MYCBP2: variants seen among roughly 807,000 people sequenced by gnomAD.
MYCBP2 encodes the protein MYC binding protein 2.
A neutral mutation model predicts 525.3 loss-of-function variants in MYCBP2; 120 were observed. That is an observed-to-expected ratio of 0.23 (90% CI 0.20 to 0.27). The LOEUF (loss-of-function observed/expected upper bound fraction) is 0.27. Among genes scored for constraint, MYCBP2 ranks in the 10% least tolerant of loss-of-function variants. The pLI is 1.00. For synonymous variants in MYCBP2, 1,894 were observed against 1,955.8 expected (o/e 0.97, Z 0.83); for missense variants, 4,149 against 5,657.1 (o/e 0.73, Z 8.55).
intron 26 of MYCBP2, among the ~76,000 whole-genome samples, chr13:77,201,093 C>G (rs1261982328): frequency 6.6e-6 from 1 of 152,160 alleles, no homozygotes; most frequent in Non-Finnish European, 1.5e-5. Context: ...AAGACACAGA[C>G]TGGCACATTG....
chr13:77,181,459 G>A (rs938002512), intron 33 of MYCBP2, among the ~76,000 whole-genome samples: 1 of 151,928 alleles, frequency 6.6e-6, no homozygotes, highest in Non-Finnish European at 1.5e-5. Context: ...TTTTTTAAAG[G>A]TGTGTGATTA....
intron 57 of MYCBP2, among the ~76,000 whole-genome samples, 193 bp downstream of exon 57, chr13:77,096,117 AAT>A (rs2046218242): frequency 6.6e-6 from 1 of 152,162 alleles, no homozygotes; most frequent in African/African-American, 2.4e-5. Context: ...GTGTTATTCC[AAT>A]ATATAGTTAA....
chr13:77,148,598 C>T (rs1594913526), intron 47 of MYCBP2, among the ~76,000 whole-genome samples: 1 of 152,092 alleles, frequency 6.6e-6, no homozygotes, highest in Non-Finnish European at 1.5e-5. Flanking sequence ...TTCCACTGTT[C>T]TTTTGCTGGT....
At chr13:77,325,249 AC>A (rs1268416150) in intron 1 of MYCBP2, among the ~76,000 whole-genome samples, 1 of 152,220 alleles carries the variant, frequency 6.6e-6, no homozygotes, top group East Asian at 1.9e-4. Flanking sequence ...AGAAAAAGAC[AC>A]CTAACAATTG....
At chr13:77,141,921 G>A (rs1027066860) in intron 49 of MYCBP2, among the ~76,000 whole-genome samples, 2 of 151,968 alleles carry the variant, frequency 1.3e-5, no homozygotes, top group South Asian at 2.1e-4. Flanking sequence ...TGATGGCATC[G>A]GAGAAAACTT....
intron 55 of MYCBP2, among the ~76,000 whole-genome samples, chr13:77,105,492 T>G (rs1474103205): frequency 6.6e-6 from 1 of 152,080 alleles, no homozygotes; most frequent in Non-Finnish European, 1.5e-5. Context: ...ACATTAAATT[T>G]TTACAAAATC....
At chr13:77,304,563 C>T (rs1005070059) in intron 1 of MYCBP2, among the ~76,000 whole-genome samples, 1 of 152,040 alleles carries the variant, frequency 6.6e-6, no homozygotes, top group Non-Finnish European at 1.5e-5. Flanking sequence ...TCATAAACAA[C>T]AATGTATTAT....
rs186814229 is a variant in MYCBP2 at position 77,256,746 on chromosome 13, T to C, written c.2176+925A>G. On this transcript the variant is annotated intron_variant, in intron 14 of 82. Coordinates refer to ENST00000544440, the MANE Select transcript of MYCBP2 (RefSeq NM_015057.5). Reference sequence around the variant, plus strand: ...AGGCAATAACAAATGTTGGAGAGGATGTGGAGAAAAGGGAACACTTGTACA... The same window carrying C: ...AGGCAATAACAAATGTTGGAGAGGACGTGGAGAAAAGGGAACACTTGTACA... Among the ~76,000 whole-genome samples, 3 of 152,158 alleles carry C rather than the reference T, an allele frequency of 2.0e-5. No homozygotes were observed. The East Asian group carries it at 5.8e-4, about 29-fold the overall frequency.
At chr13:77,169,249 A>G (rs2058872605) in intron 39 of MYCBP2, among the ~76,000 whole-genome samples, 1 of 151,922 alleles carries the variant, frequency 6.6e-6, no homozygotes, top group Non-Finnish European at 1.5e-5. Context: ...ACAAAAAATT[A>G]GCCGGGCGCA....
intron 51 of MYCBP2, 127 bp from the exon 52 acceptor site, chr13:77,139,463 A>G: frequency 9.4e-7 from 1 of 1,065,176 alleles, no homozygotes; most frequent in Admixed American, 2.5e-5. Flanking sequence ...GTTTTTGCAG[A>G]AAGTAAGTCT....
chr13:77,243,687 T>G, intron 16 of MYCBP2, 119 bp downstream of exon 16: 1 of 841,516 alleles, frequency 1.2e-6, no homozygotes, highest in Non-Finnish European at 1.8e-6. Context: ...AAAGCAGTAT[T>G]GCATACATTA....
intron 52 of MYCBP2, among the ~76,000 whole-genome samples, chr13:77,128,777 C>T (rs1464191763): frequency 6.6e-6 from 1 of 151,840 alleles, no homozygotes; most frequent in East Asian, 1.9e-4. Context: ...TTTCTCCCTC[C>T]ATTCCCATCC....
At chr13:77,213,553 A>G (rs531951503) in intron 21 of MYCBP2, among the ~76,000 whole-genome samples, 97 of 152,200 alleles carry the variant, frequency 6.4e-4, no homozygotes, top group Non-Finnish European at 1.1e-3. Flanking sequence ...GAGGAAAAAT[A>G]AATTAGTTAT....
At position 77,083,066 on chromosome 13, in the gene MYCBP2, G is replaced by T; in HGVS notation, c.11002C>A (p.Pro3668Thr). 2 of 1,613,334 alleles carry T rather than the reference G, an allele frequency of 1.2e-6. No individual in the cohort carries two copies. Among genetic ancestry groups the T allele is most frequent in the Non-Finnish European group, 1.7e-6 (2 of 1,179,540 alleles). ...QTISDLMMSL[P>T]SGSSLQQMAL... The stretch of plus-strand genomic sequence containing the variant: ...ATTTGCTGTAATGAACTGCCGCTGG[G>T]GAGAGACATCATAAGGTCTGAGATG... Residue 3668 changes from proline to threonine, a missense_variant, in exon 63 of 83, where the codon CCC becomes ACC. Physicochemically the swap from Pro to Thr is conservative, Grantham distance 38 (BLOSUM62 -1). This residue lies in a region of MYCBP2 where 509 missense variants were observed against 789.4 expected (regional missense o/e 0.64). Coordinates refer to ENST00000544440, the MANE Select transcript of MYCBP2 (RefSeq NM_015057.5).
intron 36 of MYCBP2, among the ~76,000 whole-genome samples, chr13:77,175,188 T>C (rs184442494): frequency 6.6e-6 from 1 of 151,130 alleles, no homozygotes; most frequent in African/African-American, 2.4e-5. Context: ...CTCCCTGGTG[T>C]CTCAAAAGTA....
intron 26 of MYCBP2, among the ~76,000 whole-genome samples, chr13:77,201,072 G>A (rs1005589933): frequency 1.3e-5 from 2 of 152,114 alleles, no homozygotes; most frequent in African/African-American, 4.8e-5. Flanking sequence ...TGGACTAAAT[G>A]CTCCAATTAA....
At chr13:77,213,864 C>T (rs950074159) in intron 21 of MYCBP2, among the ~76,000 whole-genome samples, 9 of 152,176 alleles carry the variant, frequency 5.9e-5, no homozygotes, top group Non-Finnish European at 1.3e-4. Flanking sequence ...CAGCGGGTGT[C>T]ATGATCTCTA....
At chr13:77,273,089 T>C (rs7333898) in intron 5 of MYCBP2, among the ~76,000 whole-genome samples, 1,753 of 152,306 alleles carry the variant, frequency 0.012, 21 homozygotes, top group Middle Eastern at 0.017. Context: ...ATCAGATTGA[T>C]ACCATATCTT....
intron 7 of MYCBP2, among the ~76,000 whole-genome samples, chr13:77,268,260 A>G (rs1230463433): frequency 6.6e-6 from 1 of 152,214 alleles, no homozygotes; most frequent in African/African-American, 2.4e-5. Context: ...TTTAACAAGT[A>G]CTTTAAGAAA....
Sources: gnomAD v4.1 joint callset for allele counts (sites outside exome capture counted in the v4.1 genomes callset) on GRCh38, gnomAD v4.1.1 for gene constraint, gnomAD v4.1.1 regional missense constraint, MANE v1.5 for transcripts, NCBI Gene and HGNC (gene_info 2026-07-23, HGNC 2026-07-21) for gene names.